Variants in TTC7A observed in about 807,000 individuals in gnomAD.
TTC7A encodes the protein tetratricopeptide repeat domain 7A, also known as tetratricopeptide repeat protein 7A.
Under a neutral mutation model 103.7 loss-of-function variants are expected in TTC7A, and 110 were observed. The ratio of observed to expected loss-of-function variants is 1.06; its 90% confidence interval spans 0.91 to 1.24. The LOEUF (loss-of-function observed/expected upper bound fraction) is 1.24, where lower values mean the gene tolerates loss of function less well. Ranked by LOEUF, TTC7A falls within the 50% of genes most tolerant of loss-of-function variation. The pLI is 0.00. For synonymous variants in TTC7A, 521 were observed against 467.9 expected (o/e 1.11, Z -1.47); for missense variants, 1,340 against 1,116.3 (o/e 1.20, Z -2.86).
chr2:47,053,080 T>C (rs570688510), intron 18 of TTC7A, among the ~76,000 whole-genome samples: 19 of 152,162 alleles, frequency 1.2e-4, no homozygotes, highest in South Asian at 6.2e-4. Flanking sequence ...GCAAAAAACA[T>C]TGGATAGGAT....
intron 3 of TTC7A, among the ~76,000 whole-genome samples, chr2:46,973,493 G>A (rs771630460): frequency 1.3e-5 from 2 of 152,210 alleles, no homozygotes; most frequent in East Asian, 3.9e-4. Flanking sequence ...TCCCACTGCC[G>A]CAGGTTGCCG....
intron 2 of TTC7A, among the ~76,000 whole-genome samples, chr2:46,935,987 A>C (rs769566545): frequency 6.6e-6 from 1 of 151,972 alleles, no homozygotes; most frequent in African/African-American, 2.4e-5. Flanking sequence ...GCTACTCGGG[A>C]GGCTGAGGCT....
At chr2:46,952,646 A>G (rs1419929998) in intron 2 of TTC7A, among the ~76,000 whole-genome samples, 11 of 152,140 alleles carry the variant, frequency 7.2e-5, no homozygotes. Flanking sequence ...CAGCTACCCA[A>G]GAAGCTGCGG....
At chr2:46,938,271 G>A (rs1670078259), upstream of TTC7A, among the ~76,000 whole-genome samples, 1 of 152,088 alleles carries the variant, frequency 6.6e-6, no homozygotes, top group Non-Finnish European at 1.5e-5. Flanking sequence ...AAACGTAAAG[G>A]ACAACCTTAC....
At chr2:46,990,166 C>T (rs952628582) in intron 5 of TTC7A, among the ~76,000 whole-genome samples, 2 of 152,214 alleles carry the variant, frequency 1.3e-5, no homozygotes, top group African/African-American at 2.4e-5. Context: ...CCAGAATCAG[C>T]CAGTTCTTTT....
chr2:46,983,948 C>G (rs1277572089), intron 5 of TTC7A, among the ~76,000 whole-genome samples: 1 of 152,128 alleles, frequency 6.6e-6, no homozygotes, highest in Non-Finnish European at 1.5e-5. Flanking sequence ...GGGGACAGTT[C>G]TAATTTCAAT....
intron 1 of TTC7A, 114 bp from the exon 2 acceptor site, chr2:46,950,249 C>T (rs1358938711): frequency 9.5e-7 from 1 of 1,048,548 alleles, no homozygotes; most frequent in Admixed American, 2.3e-5. Flanking sequence ...TTTCTCAGAC[C>T]TGAGCCATTC....
chr2:46,984,114 T>G (rs1674760680), intron 5 of TTC7A, among the ~76,000 whole-genome samples: 1 of 152,222 alleles, frequency 6.6e-6, no homozygotes, highest in South Asian at 2.1e-4. Context: ...GCTTCACAGA[T>G]GGGAAATCGA....
At chr2:46,955,039 C>A (rs1230854686) in intron 2 of TTC7A, among the ~76,000 whole-genome samples, 7 of 152,188 alleles carry the variant, frequency 4.6e-5, no homozygotes, top group Admixed American at 2.0e-4. Context: ...TGCCTCACTG[C>A]CCTTGTCTCC....
chr2:47,058,489 C>T (rs1443103948), intron 18 of TTC7A, among the ~76,000 whole-genome samples: 1 of 152,218 alleles, frequency 6.6e-6, no homozygotes, highest in African/African-American at 2.4e-5. Flanking sequence ...GTTTCTCCAC[C>T]TCTTTCTGGG....
At chr2:46,927,685 A>G (rs1388919646) in intron 2 of TTC7A, among the ~76,000 whole-genome samples, 1 of 152,062 alleles carries the variant, frequency 6.6e-6, no homozygotes, top group African/African-American at 2.4e-5. Context: ...TTAAAGGAGC[A>G]ACAGACGGCT....
intron 10 of TTC7A, among the ~76,000 whole-genome samples, chr2:47,009,152 G>A (rs1244258030): frequency 6.6e-6 from 1 of 152,158 alleles, no homozygotes; most frequent in Admixed American, 6.5e-5. Flanking sequence ...TCCCAGGGCA[G>A]GGCCTCAGGA....
Position 47,050,062 on chromosome 2 carries a change from T to C in TTC7A, c.2017+16T>C. ...GCAGACTCTGGTAAGAACGAGCTCCTTGGGCCACTGTGTGCATGGACCCAC... is the reference window on the plus strand; with the variant it reads ...GCAGACTCTGGTAAGAACGAGCTCCCTGGGCCACTGTGTGCATGGACCCAC... On this transcript the variant is annotated intron_variant, in intron 17 of 19. Transcript: ENST00000319190. The C allele has an allele frequency of 1.9e-6, 3 of 1,599,066 alleles. No individual in the cohort carries two copies. Among genetic ancestry groups the C allele is most frequent in the Non-Finnish European group, 2.6e-6 (3 of 1,166,740 alleles).
At chr2:46,974,917 C>T (rs1673718678) in intron 3 of TTC7A, 56 bp from the exon 4 acceptor site, 1 of 1,594,834 alleles carries the variant, frequency 6.3e-7, no homozygotes, top group South Asian at 1.1e-5. Context: ...ATGGGGAGGG[C>T]CTGGAGTCAG....
chr2:47,073,607 G>C (rs1050078184), intron 19 of TTC7A, 95 bp from the exon 20 acceptor site: 19 of 1,045,710 alleles, frequency 1.8e-5, no homozygotes, highest in Non-Finnish European at 2.8e-5. Flanking sequence ...CGAGCTGATG[G>C]CTGCTGCCAC....
intron 5 of TTC7A, among the ~76,000 whole-genome samples, chr2:46,983,989 G>A (rs1455217494): frequency 1.3e-5 from 2 of 152,150 alleles, no homozygotes; most frequent in East Asian, 3.9e-4. Context: ...CCATTTCAGG[G>A]ATATTTCTTA....
intron 5 of TTC7A, among the ~76,000 whole-genome samples, chr2:46,986,356 C>G (rs1289909949): frequency 2.6e-5 from 4 of 152,224 alleles, no homozygotes; most frequent in Non-Finnish European, 4.4e-5. Context: ...CCCTCAGTTC[C>G]TGTCCTGGGT....
At chr2:47,044,334 AT>A (rs1212573674) in intron 15 of TTC7A, among the ~76,000 whole-genome samples, 1 of 152,216 alleles carries the variant, frequency 6.6e-6, no homozygotes, top group Non-Finnish European at 1.5e-5. Context: ...GAAGGCAGCC[AT>A]TGTGTTTTCT....
At chr2:46,952,117 GA>G (rs1671471045) in intron 2 of TTC7A, among the ~76,000 whole-genome samples, 1 of 152,126 alleles carries the variant, frequency 6.6e-6, no homozygotes, top group Non-Finnish European at 1.5e-5. Flanking sequence ...GTAAGGGAGG[GA>G]AAGGCCAGGG....
Sources: gnomAD v4.1 joint callset for allele counts (sites outside exome capture counted in the v4.1 genomes callset) on GRCh38, gnomAD v4.1.1 for gene constraint, MANE v1.5 for transcripts, NCBI Gene and HGNC (gene_info 2026-07-23, HGNC 2026-07-21) for gene names.